SEL1L3: variants seen among roughly 807,000 people sequenced by gnomAD.
SEL1L3 encodes SEL1L family member 3.
In SEL1L3, 76 loss-of-function variants were observed where a neutral mutation model predicts 142.8. The observed-to-expected ratio is 0.53, with a 90% CI of 0.44 to 0.64. The LOEUF (loss-of-function observed/expected upper bound fraction) is 0.64. Among genes scored for constraint, SEL1L3 ranks in the 30% least tolerant of loss-of-function variants. The pLI, the probability that SEL1L3 is intolerant of heterozygous loss-of-function variation, is 0.00. For synonymous variants in SEL1L3, 504 were observed against 519.6 expected (o/e 0.97, Z 0.41); for missense variants, 1,262 against 1,381.7 (o/e 0.91, Z 1.37).
the SEL1L3 span, chr4:25,719,429 T>G: frequency 5.9e-5 from 9 of 152,194 alleles, no homozygotes; most frequent in Non-Finnish European, 1.3e-4. Context: ...TGCTATGATT[T>G]AAAAAGTCTG....
downstream of SEL1L3, among the ~76,000 whole-genome samples, chr4:25,746,018 A>C (rs1017643514): frequency 1.3e-5 from 2 of 152,158 alleles, no homozygotes; most frequent in Non-Finnish European, 2.9e-5. Flanking sequence ...TATAGTTTGG[A>C]TATTTGCTTT....
At chr4:25,738,415 T>C in the SEL1L3 span, among the ~76,000 whole-genome samples, 19 of 152,164 alleles carry the variant, frequency 1.2e-4, no homozygotes, top group African/African-American at 4.3e-4. Context: ...TGTCTGTTGG[T>C]TAATCCAACA....
chr4:25,785,187 C>T (rs1306460391), intron 13 of SEL1L3, among the ~76,000 whole-genome samples: 1 of 152,106 alleles, frequency 6.6e-6, no homozygotes, highest in African/African-American at 2.4e-5. Flanking sequence ...GAGGGTTTTG[C>T]AACAAACACA....
the SEL1L3 span, among the ~76,000 whole-genome samples, chr4:25,722,635 T>A: frequency 6.6e-6 from 1 of 150,508 alleles, no homozygotes; most frequent in Non-Finnish European, 1.5e-5. Context: ...TTTTTTTTTT[T>A]TTTTAGAGAT....
intron 1 of SEL1L3, among the ~76,000 whole-genome samples, chr4:25,848,903 C>T (rs893217993): frequency 7.2e-5 from 11 of 152,292 alleles, no homozygotes; most frequent in Non-Finnish European, 1.5e-4. Flanking sequence ...CTTTGGGAGG[C>T]CCAGGTGGGT....
At chr4:25,786,830 C>T (rs1711877495) in intron 13 of SEL1L3, among the ~76,000 whole-genome samples, 1 of 152,162 alleles carries the variant, frequency 6.6e-6, no homozygotes, top group South Asian at 2.1e-4. Context: ...GGTCTGGGAC[C>T]TCAATTTGGA....
chr4:25,815,980 T>C (rs898890867), intron 9 of SEL1L3, among the ~76,000 whole-genome samples: 5 of 150,912 alleles, frequency 3.3e-5, no homozygotes, highest in African/African-American at 1.2e-4. Context: ...AATGTCAATA[T>C]TGTGAGATTG....
chr4:25,802,190 A>G, intron 11 of SEL1L3, 93 bp downstream of exon 11: 1 of 1,138,072 alleles, frequency 8.8e-7, no homozygotes, highest in South Asian at 1.6e-5. Flanking sequence ...CAACCTCTGA[A>G]GGCCAACTAC....
chr4:25,814,264 C>A (rs909112258), intron 9 of SEL1L3, among the ~76,000 whole-genome samples: 1 of 152,190 alleles, frequency 6.6e-6, no homozygotes, highest in Non-Finnish European at 1.5e-5. Context: ...AAATGACTCT[C>A]ATTCAAAACA....
chr4:25,730,883 G>T, the SEL1L3 span, among the ~76,000 whole-genome samples: 2 of 152,104 alleles, frequency 1.3e-5, no homozygotes, highest in Non-Finnish European at 1.5e-5. Context: ...ACAAAAATTA[G>T]CCAGGCGTGG....
intron 2 of SEL1L3, among the ~76,000 whole-genome samples, chr4:25,845,947 G>T (rs1282229690): frequency 6.6e-6 from 1 of 152,152 alleles, no homozygotes; most frequent in Admixed American, 6.5e-5. Flanking sequence ...TGAGGAAGGT[G>T]TTTAAAATGC....
In SEL1L3 at chr4:25,765,332, G is replaced by C. The variant is rs749105410; in HGVS notation, c.2949C>G (p.Asp983Glu). The C allele has an allele frequency of 1.2e-5, 19 of 1,608,962 alleles. No individual in the cohort carries two copies. The highest frequency in any genetic ancestry group is 1.4e-5 in the Non-Finnish European group (17 of 1,175,534). The part of the protein sequence containing the change: ...QMYAQAALDG[D>E]SQGFFNLALL... ...TGTTGCGGTTGCTGTTTACCTGGGA[G>C]TCTCCATCCAGGGCGGCTTGGGCGT... The change falls in exon 20 of 24, where the codon GAC becomes GAG. Residue 983 changes from aspartate to glutamate, a missense_variant. Asp to Glu is a conservative substitution (Grantham distance 45). Around this residue, in one of 3 missense-constraint regions of SEL1L3, gnomAD observed 435 missense variants for 559.2 expected, o/e 0.78. Coordinates refer to ENST00000399878, the MANE Select transcript of SEL1L3 (RefSeq NM_015187.5).
intron 17 of SEL1L3, among the ~76,000 whole-genome samples, chr4:25,775,057 G>A (rs1719515837): frequency 6.6e-6 from 1 of 152,182 alleles, no homozygotes; most frequent in African/African-American, 2.4e-5. Context: ...CAGAGGGTGG[G>A]AGGTTGGGAA....
At chr4:25,737,354 C>T in the SEL1L3 span, among the ~76,000 whole-genome samples, 1 of 152,288 alleles carries the variant, frequency 6.6e-6, no homozygotes, top group African/African-American at 2.4e-5. Context: ...GATGAAAGTG[C>T]TAGCAAGGTA....
At chr4:25,853,863 G>A (rs1053770289) in intron 1 of SEL1L3, among the ~76,000 whole-genome samples, 3 of 151,734 alleles carry the variant, frequency 2.0e-5, no homozygotes, top group African/African-American at 7.3e-5. Flanking sequence ...GTAGAGACAG[G>A]GTTTTGCCAT....
At chr4:25,806,755 T>C (rs1713604684) in intron 9 of SEL1L3, among the ~76,000 whole-genome samples, 2 of 152,126 alleles carry the variant, frequency 1.3e-5, no homozygotes, top group Admixed American at 1.3e-4. Flanking sequence ...CCCAAGTACC[T>C]GGCACAGGAG....
chr4:25,727,881 C>T, the SEL1L3 span, among the ~76,000 whole-genome samples: 20 of 152,260 alleles, frequency 1.3e-4, no homozygotes, highest in Admixed American at 5.9e-4. Context: ...GCTGTGCCCA[C>T]GCATCACAGC....
In SEL1L3 at chr4:25,790,566, A is replaced by C. The variant is rs1218045551; in HGVS notation, c.1965T>G (p.Val655=). The change falls in exon 12 of 24, where the codon GTT becomes GTG. Residue 655 remains valine (V), a synonymous_variant. Transcript: ENST00000399878. ...QHTLQGDQAY[V]ETIRLKDDEI... ...CATCATCTTTTAGTCTAATTGTTTCAACATATGCCTGAGAAGGAAGGAGGG... is the reference window on the plus strand; with the variant it reads ...CATCATCTTTTAGTCTAATTGTTTCCACATATGCCTGAGAAGGAAGGAGGG... The C allele has an allele frequency of 1.2e-6, 2 of 1,603,140 alleles. No homozygotes were observed. The highest frequency in any genetic ancestry group is 3.4e-5 in the Admixed American group (2 of 59,544).
intron 6 of SEL1L3, among the ~76,000 whole-genome samples, chr4:25,824,455 G>A (rs1293175389): frequency 6.6e-6 from 1 of 152,194 alleles, no homozygotes; most frequent in African/African-American, 2.4e-5. Flanking sequence ...CTGTATGGTT[G>A]TTATGAAGAT....
Sources: gnomAD v4.1 joint callset for allele counts (sites outside exome capture counted in the v4.1 genomes callset) on GRCh38, gnomAD v4.1.1 for gene constraint, gnomAD v4.1.1 regional missense constraint, MANE v1.5 for transcripts, NCBI Gene and HGNC (gene_info 2026-07-23, HGNC 2026-07-21) for gene names.